Variants in DNAAF9 observed in about 807,000 individuals in gnomAD.
The protein encoded by DNAAF9 is dynein axonemal assembly factor 9.
In DNAAF9, 90 loss-of-function variants were observed where a neutral mutation model predicts 167.0. That is an observed-to-expected ratio of 0.54 (90% CI 0.45 to 0.64). DNAAF9 has a LOEUF of 0.64. DNAAF9 is among the 30% of genes least tolerant of loss of function. DNAAF9 has a pLI of 0.00. For missense variants in DNAAF9, 1,315 were observed against 1,442.2 expected, an observed-to-expected ratio of 0.91 and a Z score of 1.43; for synonymous variants, 491 against 508.8, an observed-to-expected ratio of 0.96 and a Z score of 0.47.
intron 7 of DNAAF9, among the ~76,000 whole-genome samples, chr20:3,349,886 C>T (rs912308786): frequency 2.6e-5 from 4 of 151,982 alleles, no homozygotes; most frequent in African/African-American, 9.7e-5. Flanking sequence ...CATTTTACAC[C>T]ATGGAAGGGT....
chr20:3,384,495 C>A (rs1298691853), intron 1 of DNAAF9: 3 of 150,312 alleles, frequency 2.0e-5, no homozygotes, highest in Non-Finnish European at 3.0e-5. Flanking sequence ...AAGAAACCTA[C>A]AAACCAAAAT....
chr20:3,350,148 G>GACACACACAC (rs1324124710), intron 7 of DNAAF9, among the ~76,000 whole-genome samples: 127 of 68,978 alleles, frequency 1.8e-3, no homozygotes, highest in Admixed American at 3.7e-3. Flanking sequence ...CAGACACACA[G>GACACACACAC]ACACACAGAC....
In DNAAF9 at chr20:3,376,275, C is replaced by T. The variant is rs575784681; in HGVS notation, c.311G>A (p.Ser104Asn). The part of the protein sequence containing the change: ...DDVIILIKSD[S>N]VHLYCNPVNF... Reference sequence around the variant, plus strand: ...TACAGGATTACAGTACAGATGGACGCTATCCGATTTAATCAATATAATTAC... The same window carrying T: ...TACAGGATTACAGTACAGATGGACGTTATCCGATTTAATCAATATAATTAC... Residue 104 changes from serine (S) to asparagine (N), a missense_variant, in exon 4 of 37, where the codon AGC (serine) becomes AAC (asparagine). Coordinates refer to ENST00000252032, the MANE Select transcript of DNAAF9 (RefSeq NM_001009984.3). 146 of 1,611,444 alleles carry T rather than the reference C, an allele frequency of 9.1e-5. 3 individuals are homozygous for T. The South Asian group carries it at 1.3e-3, about 15-fold the overall frequency.
chr20:3,259,061 AGAG>A (rs2068332536), intron 33 of DNAAF9, among the ~76,000 whole-genome samples: 3 of 152,332 alleles, frequency 2.0e-5, no homozygotes, highest in South Asian at 4.1e-4. Context: ...TAGTCAGAAG[AGAG>A]GAGAAGGCAA....
At chr20:3,367,138 C>T (rs1293111003) in intron 6 of DNAAF9, among the ~76,000 whole-genome samples, 3 of 152,186 alleles carry the variant, frequency 2.0e-5, no homozygotes, top group Non-Finnish European at 4.4e-5. Context: ...GTTTTAGAGA[C>T]AGCTTCTTTC....
At chr20:3,399,410 A>C (rs1174197579) in intron 1 of DNAAF9, among the ~76,000 whole-genome samples, 1 of 151,916 alleles carries the variant, frequency 6.6e-6, no homozygotes, top group Non-Finnish European at 1.5e-5. Context: ...GGGTTTCATC[A>C]TGCTCGCCAG....
chr20:3,270,437 T>A lies in DNAAF9; in HGVS notation c.2776A>T (p.Ile926Phe), dbSNP rs1314356017. The A allele has an allele frequency of 6.2e-7, 1 of 1,613,850 alleles. No homozygotes were observed. The change falls in exon 30 of 37, where the codon ATT (isoleucine) becomes TTT (phenylalanine). Residue 926 changes from isoleucine to phenylalanine, a missense_variant. Transcript: ENST00000252032. Reference protein sequence around the residue: ...AAAFILAENGIVTRNEDIELI... With the variant: ...AAAFILAENGFVTRNEDIELI... ...GAATCTATAGATTACCTGGTGACAA[T>A]CCCATTTTCTGCAAGAATGAAGGCT...
At chr20:3,361,063 A>C (rs1162113116) in intron 6 of DNAAF9, among the ~76,000 whole-genome samples, 1 of 152,186 alleles carries the variant, frequency 6.6e-6, no homozygotes, top group Non-Finnish European at 1.5e-5. Flanking sequence ...ATGGTTACAA[A>C]ATTAAACAAG....
At chr20:3,297,432 C>G (rs2069101048) in intron 22 of DNAAF9, among the ~76,000 whole-genome samples, 1 of 152,184 alleles carries the variant, frequency 6.6e-6, no homozygotes, top group South Asian at 2.1e-4. Context: ...ACTCTTGCAT[C>G]CTCTATGGTC....
chr20:3,306,973 C>T (rs746432089), intron 20 of DNAAF9: 57 of 985,234 alleles, frequency 5.8e-5, no homozygotes, highest in South Asian at 3.3e-4. Flanking sequence ...CTTCCCTGTC[C>T]TGGGTATCCC....
At chr20:3,308,596 G>A (rs1400439434) in intron 20 of DNAAF9, among the ~76,000 whole-genome samples, 1 of 151,714 alleles carries the variant, frequency 6.6e-6, no homozygotes, top group African/African-American at 2.4e-5. Flanking sequence ...TGCCCGCCTC[G>A]GCCTTCCAAA....
chr20:3,393,166 TTTTA>T (rs544302269), intron 1 of DNAAF9, among the ~76,000 whole-genome samples: 10 of 152,070 alleles, frequency 6.6e-5, no homozygotes, highest in East Asian at 3.9e-4. Context: ...GTTGAATACC[TTTTA>T]TTTATTTATT....
At chr20:3,284,013 C>T (rs2068806833) in intron 27 of DNAAF9, among the ~76,000 whole-genome samples, 1 of 152,010 alleles carries the variant, frequency 6.6e-6, no homozygotes, top group African/African-American at 2.4e-5. Flanking sequence ...CTGGGCACTG[C>T]CTCAAGAGAG....
intron 6 of DNAAF9, among the ~76,000 whole-genome samples, chr20:3,367,983 T>C (rs2083451469): frequency 6.6e-6 from 1 of 151,682 alleles, no homozygotes; most frequent in South Asian, 2.1e-4. Context: ...TAGGCCTGTA[T>C]GTGTTTTGCC....
At chr20:3,279,064 C>T (rs568860555) in intron 28 of DNAAF9, 115 bp from the exon 29 acceptor site, 3 of 754,884 alleles carry the variant, frequency 4.0e-6, no homozygotes, top group Non-Finnish European at 7.0e-6. Flanking sequence ...CATGATGAGG[C>T]AGGTGGCAGC....
At chr20:3,336,596 C>A (rs1305010296) in intron 10 of DNAAF9, among the ~76,000 whole-genome samples, 1 of 152,068 alleles carries the variant, frequency 6.6e-6, no homozygotes, top group South Asian at 2.1e-4. Context: ...CTCTCCCAGG[C>A]TAGAGTGCAA....
In DNAAF9 at chr20:3,393,465, T is replaced by C. The variant is rs540483127; in HGVS notation, c.84-10959A>G. On this transcript the variant is annotated intron_variant, in intron 1 of 36. Coordinates refer to ENST00000252032, the MANE Select transcript of DNAAF9 (RefSeq NM_001009984.3). The stretch of plus-strand genomic sequence containing the variant: ...AGGTTGAGGCTGCAATGAGCCGAGA[T>C]TGAGCCACTGCACTCCAGCCTGGGC... Among the ~76,000 whole-genome samples the C allele has an allele frequency of 8.5e-5, 13 of 152,248 alleles. No homozygotes were observed. In the South Asian group the frequency reaches 1.0e-3, roughly 12 times the overall value.
chr20:3,325,924 T>C (rs1184870314), intron 13 of DNAAF9, among the ~76,000 whole-genome samples: 1 of 152,104 alleles, frequency 6.6e-6, no homozygotes, highest in African/African-American at 2.4e-5. Flanking sequence ...GTTTAAGCTA[T>C]TCAACAAAAC....
At chr20:3,346,365 T>C (rs1016968092) in intron 8 of DNAAF9, among the ~76,000 whole-genome samples, 13 of 152,222 alleles carry the variant, frequency 8.5e-5, no homozygotes, top group Non-Finnish European at 1.3e-4. Context: ...TTATTTACTA[T>C]GACTCTGTTT....
Sources: gnomAD v4.1 joint callset for allele counts (sites outside exome capture counted in the v4.1 genomes callset) on GRCh38, gnomAD v4.1.1 for gene constraint, MANE v1.5 for transcripts, NCBI Gene and HGNC (gene_info 2026-07-23, HGNC 2026-07-21) for gene names.